MALRD1: variants seen among roughly 807,000 people sequenced by gnomAD.
MALRD1 encodes MAM and LDL receptor class A domain containing 1.
A neutral mutation model predicts 242.1 loss-of-function variants in MALRD1; 247 were observed. That is an observed-to-expected ratio of 1.02 (90% confidence interval 0.92 to 1.13). MALRD1 has a LOEUF of 1.13. Among genes scored for constraint, MALRD1 ranks in the 50% most tolerant of loss-of-function variants. The pLI, the probability that MALRD1 is intolerant of heterozygous loss-of-function variation, is 0.00. For missense variants in MALRD1, 2,989 were observed against 2,533.1 expected (o/e 1.18, Z -3.86); for synonymous variants, 995 against 866.6 (o/e 1.15, Z -2.60).
At chr10:19,146,371 A>G in intron 11 of MALRD1, 27 bp downstream of exon 11, 1 of 1,226,884 alleles carries the variant, frequency 8.2e-7, no homozygotes. Context: ...TTTAAAAAAA[A>G]ATAGTTTTCT....
At chr10:19,113,030 C>G (rs1305542812) in intron 5 of MALRD1, among the ~76,000 whole-genome samples, 2 of 152,034 alleles carry the variant, frequency 1.3e-5, no homozygotes, top group Non-Finnish European at 2.9e-5. Context: ...ATTTTCTCCT[C>G]TTATTTATTA....
At chr10:19,184,596 T>G (rs977710709) in intron 14 of MALRD1, among the ~76,000 whole-genome samples, 2 of 152,204 alleles carry the variant, frequency 1.3e-5, no homozygotes, top group African/African-American at 4.8e-5. Context: ...TTGCCCAGGC[T>G]GGGGTGCAGT....
intron 19 of MALRD1, among the ~76,000 whole-genome samples, chr10:19,259,782 T>A (rs1394216490): frequency 6.6e-6 from 1 of 152,162 alleles, no homozygotes; most frequent in African/African-American, 2.4e-5. Flanking sequence ...TTCCTTCTGG[T>A]CTCTGCCAGA....
At chr10:19,458,082 T>C (rs367635514) in intron 29 of MALRD1, among the ~76,000 whole-genome samples, 1 of 152,144 alleles carries the variant, frequency 6.6e-6, no homozygotes, top group East Asian at 1.9e-4. Flanking sequence ...GCAATGCACC[T>C]TTTGTACCTA....
intron 31 of MALRD1, among the ~76,000 whole-genome samples, chr10:19,528,833 C>T (rs1834210923): frequency 6.6e-6 from 1 of 152,128 alleles, no homozygotes; most frequent in South Asian, 2.1e-4. Context: ...CATTAGAGAA[C>T]TGAAGTCACA....
intron 21 of MALRD1, among the ~76,000 whole-genome samples, chr10:19,304,275 GAACTT>G (rs1479952218): frequency 6.6e-5 from 10 of 151,452 alleles, no homozygotes; most frequent in African/African-American, 9.7e-5. Context: ...GCATATCGTG[GAACTT>G]CTCAGCCTCC....
At chr10:19,530,428 T>TA (rs1554793499) in intron 31 of MALRD1, among the ~76,000 whole-genome samples, 2 of 19,270 alleles carry the variant, frequency 1.0e-4, no homozygotes, top group Non-Finnish European at 3.5e-4. Flanking sequence ...AATAAATATA[T>TA]AATATATATA....
At chr10:19,062,105 A>G (rs1834839254) in intron 1 of MALRD1, among the ~76,000 whole-genome samples, 1 of 152,218 alleles carries the variant, frequency 6.6e-6, no homozygotes, top group Non-Finnish European at 1.5e-5. Flanking sequence ...TAAAAAATGA[A>G]CAAAGACCTT....
chr10:19,718,105 G>A (rs1052247624), intron 38 of MALRD1, among the ~76,000 whole-genome samples: 6 of 93,998 alleles, frequency 6.4e-5, no homozygotes, highest in East Asian at 2.9e-4. Flanking sequence ...AGAAGAGGAA[G>A]AGGAAGAAGA....
chr10:19,164,926 T>C (rs1165863913), intron 12 of MALRD1, among the ~76,000 whole-genome samples: 1 of 152,140 alleles, frequency 6.6e-6, no homozygotes, highest in Non-Finnish European at 1.5e-5. Context: ...TGATGAACAG[T>C]ATCCTGTGAG....
intron 18 of MALRD1, among the ~76,000 whole-genome samples, chr10:19,239,448 T>A (rs79239864): frequency 0.025 from 3,783 of 152,266 alleles, 138 homozygotes; most frequent in East Asian, 0.17. Flanking sequence ...TTCTGTAAGT[T>A]GTCTTTTCAC....
chr10:19,706,153 T>G (rs1833855018), intron 38 of MALRD1, among the ~76,000 whole-genome samples: 1 of 152,014 alleles, frequency 6.6e-6, no homozygotes, highest in South Asian at 2.1e-4. Flanking sequence ...GAAAGGGAGT[T>G]CAAGAAAATA....
intron 19 of MALRD1, among the ~76,000 whole-genome samples, chr10:19,262,371 C>T (rs1447906842): frequency 1.3e-5 from 2 of 151,798 alleles, no homozygotes; most frequent in Non-Finnish European, 2.9e-5. Flanking sequence ...GGTAAGAGAA[C>T]TTGGCCGGGC....
chr10:19,674,116 A>T (rs1842043139), intron 36 of MALRD1, among the ~76,000 whole-genome samples: 1 of 152,154 alleles, frequency 6.6e-6, no homozygotes, highest in Non-Finnish European at 1.5e-5. Context: ...AGCGCAAGAT[A>T]GTCTAAGATT....
At chr10:19,297,846 T>C (rs1205973188) in intron 21 of MALRD1, among the ~76,000 whole-genome samples, 1 of 151,776 alleles carries the variant, frequency 6.6e-6, no homozygotes, top group Non-Finnish European at 1.5e-5. Flanking sequence ...AAAAAGGCAT[T>C]ATGGGAAAGG....
At position 19,244,694 on chromosome 10, in the gene MALRD1, A is replaced by T. The variant is rs550979001; in HGVS notation, c.2992-12990A>T. 2.6e-5 allele frequency among the ~76,000 whole-genome samples: 4 copies of T among 152,342 alleles called. No homozygotes were observed. The South Asian group carries it at 8.3e-4, about 32-fold the overall frequency. On this transcript the variant is annotated intron_variant, in intron 18 of 39. Coordinates refer to ENST00000454679, the MANE Select transcript of MALRD1 (RefSeq NM_001142308.3). ...TGCATTTTCTATGAAGCCAGCATAC[A>T]CAGCAACGTGCAACGTGCAACCTAA...
At position 19,719,223 on chromosome 10, in the gene MALRD1, C is replaced by CATATATATATATATATATATAT. The variant is rs368394538; in HGVS notation, c.6315-11468_6315-11447dup. Among the ~76,000 whole-genome samples, 54 of 76,380 alleles carry CATATATATATATATATATATAT rather than the reference C, an allele frequency of 7.1e-4. 3 individuals carry two copies. Among genetic ancestry groups the CATATATATATATATATATATAT allele is most frequent in the Non-Finnish European group, 9.0e-4 (38 of 42,454 alleles). 50.1% of individuals were successfully genotyped at this position (76,380 alleles called of 152,430 possible). Reference sequence around the variant, plus strand: ...ATATATATATATATACACATACATACATATATATATATATATATATATATA... The same window carrying CATATATATATATATATATATAT: ...ATATATATATATATACACATACATACATATATATATATATATATATATATATATATATATATATATATATATA... On this transcript the variant is annotated intron_variant, in intron 38 of 39. Coordinates refer to ENST00000454679, the MANE Select transcript of MALRD1 (RefSeq NM_001142308.3).
intron 2 of MALRD1, among the ~76,000 whole-genome samples, chr10:19,068,462 C>A (rs1835046106): frequency 6.6e-6 from 1 of 152,008 alleles, no homozygotes; most frequent in South Asian, 2.1e-4. Flanking sequence ...GGGTTTGAAT[C>A]CTAGCCCTGC....
chr10:19,199,055 G>A (rs1689758838), intron 14 of MALRD1, among the ~76,000 whole-genome samples: 1 of 152,118 alleles, frequency 6.6e-6, no homozygotes, highest in South Asian at 2.1e-4. Context: ...GGAGTTTATA[G>A]CAAATGCTTA....
Sources: gnomAD v4.1 joint callset for allele counts (sites outside exome capture counted in the v4.1 genomes callset) on GRCh38, gnomAD v4.1.1 for gene constraint, MANE v1.5 for transcripts, NCBI Gene and HGNC (gene_info 2026-07-23, HGNC 2026-07-21) for gene names.